The following CAPRIN2 variants were observed in gnomAD, a reference collection of about 807,000 sequenced individuals.
CAPRIN2 encodes the protein caprin family member 2, also known as caprin-2.
Under a neutral mutation model 130.4 loss-of-function variants are expected in CAPRIN2, and 66 were observed. The ratio of observed to expected loss-of-function variants is 0.51; its 90% CI spans 0.42 to 0.62. The LOEUF is 0.62. Ranked by LOEUF, CAPRIN2 falls within the 20% of genes least tolerant of loss-of-function variation. CAPRIN2 has a pLI of 0.00. For missense variants in CAPRIN2, 1,185 were observed against 1,246.6 expected (o/e 0.95, Z 0.74); for synonymous variants, 471 against 444.1 (o/e 1.06, Z -0.76).
At chr12:30,751,243 A>T in intron 1 of CAPRIN2, 110 bp from the exon 3 acceptor site, 1 of 820,096 alleles carries the variant, frequency 1.2e-6, no homozygotes, top group Admixed American at 1.8e-5. Context: ...GTAAGCTATC[A>T]ATCTGCAAGA....
At chr12:30,713,660 C>T in intron 15 of CAPRIN2, 125 bp downstream of exon 17, 1 of 561,660 alleles carries the variant, frequency 1.8e-6, no homozygotes, top group East Asian at 2.7e-5. Context: ...ATAGGACTTA[C>T]AAGTAGTTTT....
chr12:30,721,655 G>C (rs774854572), intron 11 of CAPRIN2, among the ~76,000 whole-genome samples: 1 of 152,210 alleles, frequency 6.6e-6, no homozygotes, highest in African/African-American at 2.4e-5. Flanking sequence ...TAAAGTGTCA[G>C]TGAATCCACT....
At chr12:30,744,475 G>A (rs2068962312) in intron 2 of CAPRIN2, among the ~76,000 whole-genome samples, 1 of 152,102 alleles carries the variant, frequency 6.6e-6, no homozygotes, top group South Asian at 2.1e-4. Flanking sequence ...AAGGCTCTTT[G>A]TAAAAAACCA....
intron 9 of CAPRIN2, among the ~76,000 whole-genome samples, chr12:30,725,146 T>C (rs1292988911): frequency 4.6e-5 from 7 of 152,206 alleles, no homozygotes; most frequent in African/African-American, 1.7e-4. Context: ...AGCATCTATT[T>C]ATCTCAACCA....
rs1017229319 is a variant in CAPRIN2 at position 30,718,976 on chromosome 12, C to T, written c.2148+1835G>A. The T allele has an allele frequency of 2.2e-6, 3 of 1,354,532 alleles. No individual in the cohort carries two copies. The African/African-American group carries it at 4.4e-5, about 20-fold the overall frequency. 83.9% of individuals were successfully genotyped at this position (1,354,532 alleles called of 1,614,324 possible). ...ATTCTACCAACCCAAATAAATTTTA[C>T]AAAAGGCAAACTTTTCACATAGTAT... On this transcript the variant is annotated intron_variant, in intron 12 of 16. Coordinates refer to ENST00000298892, the Ensembl canonical transcript of CAPRIN2.
At chr12:30,731,542 CAT>C (rs2062682179) in intron 5 of CAPRIN2, 32 bp from the exon 7 acceptor site, 1 of 1,562,334 alleles carries the variant, frequency 6.4e-7, no homozygotes, top group Non-Finnish European at 8.8e-7. Context: ...TTAATTGTCA[CAT>C]GACCTAATTG....
At chr12:30,726,865 T>C (rs1262452851) in intron 8 of CAPRIN2, among the ~76,000 whole-genome samples, 1 of 152,198 alleles carries the variant, frequency 6.6e-6, no homozygotes, top group African/African-American at 2.4e-5. Context: ...CTTTTGGCTT[T>C]GAACTCTATT....
At chr12:30,751,605 G>T (rs2073901881) in intron 1 of CAPRIN2, 1 of 181,440 alleles carries the variant, frequency 5.5e-6, no homozygotes, top group African/African-American at 2.4e-5. Context: ...ATCTTAAAAT[G>T]CACAGGACAG....
chr12:30,753,792 G>A, exon 1 of CAPRIN2: 4 of 1,570,330 alleles, frequency 2.5e-6, no homozygotes, highest in South Asian at 1.2e-5. Flanking sequence ...AGTGCCGCTA[G>A]CCAATAAGGA....
chr12:30,730,113 A>C (rs1021081524), intron 7 of CAPRIN2, 126 bp downstream of exon 8: 7 of 707,176 alleles, frequency 9.9e-6, no homozygotes, highest in Non-Finnish European at 1.7e-5. Flanking sequence ...AAAGTCCCTA[A>C]GCTAGTAAAC....
intron 2 of CAPRIN2, 63 bp downstream of exon 3, chr12:30,751,008 C>T: frequency 8.5e-7 from 1 of 1,182,148 alleles, no homozygotes; most frequent in Non-Finnish European, 1.3e-6. Context: ...CGCACTAAAT[C>T]CATGTAGTTT....
At chr12:30,723,237 A>C in intron 11 of CAPRIN2, 22 bp downstream of exon 12, 1 of 1,556,432 alleles carries the variant, frequency 6.4e-7, no homozygotes, top group Non-Finnish European at 8.9e-7. Context: ...GCAAAGAATA[A>C]AAGATTAATT....
chr12:30,712,869 G>A (rs1191349494), intron 15 of CAPRIN2, among the ~76,000 whole-genome samples: 2 of 151,284 alleles, frequency 1.3e-5, no homozygotes, highest in Non-Finnish European at 2.9e-5. Context: ...AGCCTCCTGA[G>A]TAGCTGGGAT....
chr12:30,711,785 A>G lies in CAPRIN2; in HGVS notation c.2602-156T>C, dbSNP rs2054806854. 8.4e-6 allele frequency: 6 copies of G among 710,700 alleles called. No homozygotes were observed. The East Asian group carries it at 1.6e-4, about 19-fold the overall frequency. 44.0% of individuals were successfully genotyped at this position (710,700 alleles called of 1,614,324 possible). A position where few individuals can be genotyped will look rare whatever the true frequency, so the allele number is the denominator to read the frequency against. Reference sequence around the variant, plus strand: ...AGAGGCTCAGATGTTTCCAAACACTAAGAAAAACAAAGCAAGGGCAACAGT... The same window carrying G: ...AGAGGCTCAGATGTTTCCAAACACTGAGAAAAACAAAGCAAGGGCAACAGT... On this transcript the variant is annotated intron_variant, in intron 15 of 16. Transcript: ENST00000298892.
At chr12:30,724,953 C>A (rs1447488569) in intron 9 of CAPRIN2, among the ~76,000 whole-genome samples, 1 of 152,104 alleles carries the variant, frequency 6.6e-6, no homozygotes, top group South Asian at 2.1e-4. Context: ...TTGACCACAC[C>A]ACTGCACCCT....
chr12:30,719,273 G>C (rs2058631528), intron 12 of CAPRIN2, 48 bp from the exon 14 acceptor site: 1 of 1,604,432 alleles, frequency 6.2e-7, no homozygotes, highest in Admixed American at 1.7e-5. Context: ...CATATAACAA[G>C]CAGTTAACTT....
intron 1 of CAPRIN2, 116 bp from the exon 3 acceptor site, chr12:30,751,249 C>A (rs890817543): frequency 6.0e-5 from 47 of 786,708 alleles, no homozygotes; most frequent in Admixed American, 1.1e-4. Context: ...TATCAATCTG[C>A]AAGACTATCA....
chr12:30,752,229 G>A (rs1278421078), intron 1 of CAPRIN2, among the ~76,000 whole-genome samples: 1 of 151,856 alleles, frequency 6.6e-6, no homozygotes, highest in Non-Finnish European at 1.5e-5. Flanking sequence ...GACCCACTAT[G>A]GTACTCTAAA....
exon 1 of CAPRIN2, chr12:30,753,898 C>T (rs1312266922): frequency 2.6e-6 from 2 of 781,724 alleles, no homozygotes; most frequent in Non-Finnish European, 4.1e-6. Context: ...CTTCAGAGCT[C>T]CTTTCTTCTC....
Sources: gnomAD v4.1 joint callset for allele counts (sites outside exome capture counted in the v4.1 genomes callset) on GRCh38, gnomAD v4.1.1 for gene constraint, MANE v1.5 for transcripts, NCBI Gene and HGNC (gene_info 2026-07-23, HGNC 2026-07-21) for gene names.